Variants in HIVEP3 observed in about 807,000 individuals in gnomAD.
The protein encoded by HIVEP3 is transcription factor HIVEP3.
A neutral mutation model predicts 152.8 loss-of-function variants in HIVEP3; 49 were observed. The ratio of observed to expected loss-of-function variants is 0.32; its 90% CI spans 0.26 to 0.41. The LOEUF (loss-of-function observed/expected upper bound fraction) is 0.41, where lower values mean the gene tolerates loss of function less well. Among genes scored for constraint, HIVEP3 ranks in the 10% least tolerant of loss-of-function variants. HIVEP3 has a pLI of 1.00. For synonymous variants in HIVEP3, 1,269 were observed against 1,289.0 expected (o/e 0.98, Z 0.33); for missense variants, 2,790 against 3,103.3 (o/e 0.90, Z 2.40).
At chr1:41,599,015 C>T (rs570678136) in intron 3 of HIVEP3, among the ~76,000 whole-genome samples, 10 of 152,072 alleles carry the variant, frequency 6.6e-5, no homozygotes, top group African/African-American at 2.4e-4. Flanking sequence ...TGGGGTTTCA[C>T]CATGTTGGCC....
intron 1 of HIVEP3, among the ~76,000 whole-genome samples, chr1:42,030,347 A>C (rs1224601546): frequency 6.6e-6 from 1 of 152,204 alleles, no homozygotes; most frequent in Non-Finnish European, 1.5e-5. Flanking sequence ...CAGAGAAGCC[A>C]AAAGATTGGA....
chr1:41,888,586 T>C (rs887724231), intron 1 of HIVEP3, among the ~76,000 whole-genome samples: 3 of 151,836 alleles, frequency 2.0e-5, no homozygotes, highest in Non-Finnish European at 4.4e-5. Context: ...AATAAGGGCA[T>C]CATCAGATGT....
intron 1 of HIVEP3, among the ~76,000 whole-genome samples, chr1:41,841,802 G>A (rs532738212): frequency 2.4e-4 from 36 of 152,236 alleles, no homozygotes; most frequent in African/African-American, 4.3e-4. Flanking sequence ...ATTAATATTC[G>A]TTGTTGGCTG....
intron 1 of HIVEP3, among the ~76,000 whole-genome samples, chr1:41,879,707 C>T (rs141344300): frequency 8.5e-5 from 13 of 152,310 alleles, no homozygotes; most frequent in African/African-American, 3.1e-4. Context: ...TAGAAAAGTG[C>T]ATCCAACTGA....
chr1:41,536,187 T>C (rs1319376115), intron 5 of HIVEP3, among the ~76,000 whole-genome samples: 2 of 152,122 alleles, frequency 1.3e-5, no homozygotes, highest in Non-Finnish European at 2.9e-5. Context: ...TGCTCTGCCA[T>C]GCAGTGGGCT....
chr1:41,735,785 T>C (rs1001999773), intron 1 of HIVEP3, among the ~76,000 whole-genome samples: 1 of 152,122 alleles, frequency 6.6e-6, no homozygotes, highest in Non-Finnish European at 1.5e-5. Context: ...CTAAATTCAC[T>C]GCCAGACAAA....
intron 1 of HIVEP3, among the ~76,000 whole-genome samples, chr1:42,016,467 G>T (rs900147654): frequency 5.3e-5 from 8 of 151,760 alleles, no homozygotes; most frequent in Non-Finnish European, 1.2e-4. Context: ...GGAATACAAA[G>T]GTATACAAAA....
intron 1 of HIVEP3, among the ~76,000 whole-genome samples, chr1:41,707,506 C>T (rs976807501): frequency 6.6e-6 from 1 of 152,198 alleles, no homozygotes; most frequent in African/African-American, 2.4e-5. Flanking sequence ...CCCAAGTCCC[C>T]GTACTGGGAA....
intron 2 of HIVEP3, among the ~76,000 whole-genome samples, chr1:41,681,302 C>T (rs1001316865): frequency 2.6e-5 from 4 of 152,180 alleles, no homozygotes; most frequent in African/African-American, 9.7e-5. Flanking sequence ...CTTTGTTACC[C>T]AGGCTAGTCT....
In HIVEP3 at chr1:41,582,856, A is replaced by C; in HGVS notation, c.1942T>G (p.Cys648Gly). The change falls in exon 4 of 9, where the codon TGT becomes GGT. Residue 648 changes from cysteine (C) to glycine (G), a missense_variant. This residue lies in a region of HIVEP3 where 339 missense variants were observed against 327.0 expected (regional missense o/e 1.04). Transcript: ENST00000372583. The surrounding 1 kb of genome is among the most constrained non-coding windows in gnomAD (Gnocchi z 4.7). ...TKGVIYECNI[C>G]GARYKKRDNY... ...TCCCTTTTCTTGTACCGAGCACCAC[A>C]TATGTTACATTCGTAGATCACCCCT... The C allele has an allele frequency of 6.2e-7, 1 of 1,614,152 alleles. No homozygotes were observed. The highest frequency in any genetic ancestry group is 8.5e-7 in the Non-Finnish European group (1 of 1,180,044).
chr1:41,596,430 CAAA>C (rs1644667045), intron 3 of HIVEP3, among the ~76,000 whole-genome samples: 2 of 152,146 alleles, frequency 1.3e-5, no homozygotes, highest in Admixed American at 1.3e-4. Flanking sequence ...TCCAATGGGT[CAAA>C]CAGTGCTGTT....
At chr1:41,821,496 A>G (rs552554170) in intron 1 of HIVEP3, among the ~76,000 whole-genome samples, 1 of 152,148 alleles carries the variant, frequency 6.6e-6, no homozygotes, top group Non-Finnish European at 1.5e-5. Flanking sequence ...AGGCTCTCTG[A>G]GTCATTCTGC....
intron 1 of HIVEP3, among the ~76,000 whole-genome samples, chr1:41,973,786 C>T (rs996930264): frequency 2.0e-5 from 3 of 152,072 alleles, no homozygotes; most frequent in Non-Finnish European, 2.9e-5. Context: ...GCAGGGCAAT[C>T]GGTAAGACTA....
At chr1:41,884,119 C>G (rs549396388) in intron 1 of HIVEP3, among the ~76,000 whole-genome samples, 1 of 152,244 alleles carries the variant, frequency 6.6e-6, no homozygotes, top group South Asian at 2.1e-4. Context: ...GAGCACACCA[C>G]CATGCCTGGC....
intron 1 of HIVEP3, among the ~76,000 whole-genome samples, chr1:41,854,326 G>C (rs72963228): frequency 6.6e-6 from 1 of 152,040 alleles, no homozygotes; most frequent in Non-Finnish European, 1.5e-5. Flanking sequence ...GAAGGGCCAC[G>C]GGTGCCTGGT....
At chr1:41,938,815 T>G (rs951820474) in intron 1 of HIVEP3, among the ~76,000 whole-genome samples, 3 of 152,226 alleles carry the variant, frequency 2.0e-5, no homozygotes, top group Non-Finnish European at 2.9e-5. Flanking sequence ...TGAGTCCTAC[T>G]CTAGGAATTT....
At chr1:41,559,118 G>A (rs986500280) in intron 5 of HIVEP3, among the ~76,000 whole-genome samples, 2 of 152,010 alleles carry the variant, frequency 1.3e-5, no homozygotes, top group Non-Finnish European at 2.9e-5. Flanking sequence ...TCCGCTTGGA[G>A]CTTTGGCCCC....
At chr1:41,981,369 G>A (rs920179428) in intron 1 of HIVEP3, among the ~76,000 whole-genome samples, 7 of 152,172 alleles carry the variant, frequency 4.6e-5, no homozygotes, top group African/African-American at 1.2e-4. Context: ...AAGCAAACGG[G>A]GAAATGCAAA....
chr1:41,556,690 T>G, intron 5 of HIVEP3, among the ~76,000 whole-genome samples: 1 of 152,238 alleles, frequency 6.6e-6, no homozygotes, highest in Non-Finnish European at 1.5e-5. Context: ...TGGTGTTGTA[T>G]CCAAGAAATC....
Sources: allele counts gnomAD v4.1 joint callset (sites outside exome capture counted in the v4.1 genomes callset), GRCh38; gene constraint gnomAD v4.1.1; regional missense constraint gnomAD v4.1.1; non-coding constraint Gnocchi (gnomAD v3.1); transcripts MANE v1.5; gene names NCBI Gene and HGNC (gene_info 2026-07-23, HGNC 2026-07-21).